Variants in PCDHA11 observed in about 807,000 individuals in gnomAD.
PCDHA11 encodes protocadherin alpha-11.
A neutral mutation model predicts 70.3 loss-of-function variants in PCDHA11; 61 were observed. The ratio of observed to expected loss-of-function variants is 0.87; its 90% CI spans 0.71 to 1.07. PCDHA11 has a LOEUF of 1.07. PCDHA11 is among the 50% of genes least tolerant of loss of function. The probability of loss-of-function intolerance (pLI) is 0.00; values close to 1 mark genes in which losing one functional copy is unlikely to be tolerated. For synonymous variants in PCDHA11, 633 were observed against 555.1 expected (o/e 1.14, Z -1.97); for missense variants, 1,324 against 1,237.5 (o/e 1.07, Z -1.05).
chr5:140,948,547 A>G (rs1054072354), intron 1 of PCDHA11, among the ~76,000 whole-genome samples: 9 of 151,490 alleles, frequency 5.9e-5, no homozygotes, highest in Admixed American at 5.9e-4. Flanking sequence ...ATGCTCTGTC[A>G]ATTTTGTTAA....
At chr5:140,931,970 G>A (rs2087909153) in intron 1 of PCDHA11, among the ~76,000 whole-genome samples, 1 of 151,866 alleles carries the variant, frequency 6.6e-6, no homozygotes, top group Non-Finnish European at 1.5e-5. Flanking sequence ...TGATGCATAT[G>A]TGTTTATATT....
At chr5:140,967,272 T>C in intron 1 of PCDHA11, 2 of 1,613,412 alleles carry the variant, frequency 1.2e-6, no homozygotes, top group Non-Finnish European at 1.7e-6. Flanking sequence ...CGCTTTCACA[T>C]AGAGAGTGCG....
intron 1 of PCDHA11, among the ~76,000 whole-genome samples, chr5:140,880,167 G>A (rs1363011800): frequency 2.0e-5 from 3 of 152,160 alleles, no homozygotes; most frequent in African/African-American, 7.2e-5. Context: ...TATGTTAGAA[G>A]TTAAACATGA....
At chr5:140,949,222 G>T (rs1472220330) in intron 1 of PCDHA11, among the ~76,000 whole-genome samples, 1 of 151,662 alleles carries the variant, frequency 6.6e-6, no homozygotes, top group Non-Finnish European at 1.5e-5. Flanking sequence ...GTTTAGACTT[G>T]TTCTGTGGCC....
chr5:140,973,329 G>A (rs1303671094), intron 1 of PCDHA11, among the ~76,000 whole-genome samples: 6 of 152,112 alleles, frequency 3.9e-5, no homozygotes, highest in Non-Finnish European at 7.3e-5. Flanking sequence ...GTTTACACTC[G>A]TTGTAAAGTG....
chr5:140,987,096 C>T (rs1266691790), intron 3 of PCDHA11, among the ~76,000 whole-genome samples: 3 of 151,912 alleles, frequency 2.0e-5, no homozygotes, highest in African/African-American at 7.3e-5. Context: ...TGCCTGTAAT[C>T]CCAGCTACTC....
chr5:140,991,924 A>T (rs1028386420), intron 3 of PCDHA11, among the ~76,000 whole-genome samples: 1 of 152,140 alleles, frequency 6.6e-6, no homozygotes, highest in Non-Finnish European at 1.5e-5. Context: ...GTAACATAAC[A>T]TATTCACAAG....
rs782621350 is a variant in PCDHA11 at position 140,876,591 on chromosome 5, C to T, written c.2391+5097C>T. ...TGGGTACCGTCATTGCCCTGATTAG[C>T]GTGTCGGATCGTGACTCTGGAGCCA... On this transcript the variant is annotated intron_variant, in intron 1 of 3. Transcript: ENST00000398640. 9.5e-5 allele frequency: 153 copies of T among 1,614,058 alleles called. 1 individual carries two copies. The highest frequency in any genetic ancestry group is 8.2e-4 in the Middle Eastern group (5 of 6,082).
At chr5:140,876,499 G>T in intron 1 of PCDHA11, 1 of 1,614,028 alleles carries the variant, frequency 6.2e-7, no homozygotes, top group South Asian at 1.1e-5. Flanking sequence ...AGTTCTGGAC[G>T]TGAATGACAA....
chr5:140,979,102 C>T (rs1263848262), intron 2 of PCDHA11, 95 bp downstream of exon 2: 1 of 1,541,684 alleles, frequency 6.5e-7, no homozygotes, highest in Non-Finnish European at 8.7e-7. Flanking sequence ...GCTGTCAAAA[C>T]TAAAAAGCTT....
chr5:141,005,701 CAAAAAAAAA>C (rs59860837), intron 3 of PCDHA11, among the ~76,000 whole-genome samples: 2 of 7,784 alleles, frequency 2.6e-4, no homozygotes, highest in African/African-American at 4.7e-4. Context: ...AACTCCGTCT[CAAAAAAAAA>C]AAAAAAAAAA....
At chr5:140,966,395 T>A in intron 1 of PCDHA11, 1 of 404,602 alleles carries the variant, frequency 2.5e-6, no homozygotes, top group Non-Finnish European at 4.3e-6. Flanking sequence ...GTCCGCCACT[T>A]CGGCGCGGAA....
At chr5:140,880,791 A>G (rs950375774) in intron 1 of PCDHA11, among the ~76,000 whole-genome samples, 4 of 152,242 alleles carry the variant, frequency 2.6e-5, no homozygotes, top group Non-Finnish European at 4.4e-5. Context: ...GAGGAGTAAT[A>G]TAAATAGGTG....
At chr5:140,932,039 CAT>C (rs2087970987) in intron 1 of PCDHA11, among the ~76,000 whole-genome samples, 1 of 151,816 alleles carries the variant, frequency 6.6e-6, no homozygotes, top group South Asian at 2.1e-4. Context: ...TATATATTAA[CAT>C]AGCCTGTAAT....
At chr5:140,877,093 G>C in intron 1 of PCDHA11, 1 of 1,613,296 alleles carries the variant, frequency 6.2e-7, no homozygotes, top group Non-Finnish European at 8.5e-7. Context: ...GCGCGACGCC[G>C]GCGTGCCGCC....
intron 1 of PCDHA11, among the ~76,000 whole-genome samples, chr5:140,913,735 G>A (rs1416656981): frequency 6.6e-6 from 1 of 151,834 alleles, no homozygotes; most frequent in Non-Finnish European, 1.5e-5. Context: ...CCCTCTAATA[G>A]TACTCCTTTT....
At chr5:140,881,648 CCTT>C (rs1554172342) in intron 1 of PCDHA11, among the ~76,000 whole-genome samples, 4 of 152,182 alleles carry the variant, frequency 2.6e-5, no homozygotes, top group African/African-American at 9.7e-5. Flanking sequence ...ATATTTTTCA[CCTT>C]CACCGATTTT....
At chr5:140,890,533 T>C (rs2062686259) in intron 1 of PCDHA11, among the ~76,000 whole-genome samples, 1 of 152,234 alleles carries the variant, frequency 6.6e-6, no homozygotes, top group South Asian at 2.1e-4. Context: ...TTGATCTTCT[T>C]TTGAAATGAC....
At chr5:140,884,603 T>A in intron 1 of PCDHA11, 4 of 1,614,132 alleles carry the variant, frequency 2.5e-6, no homozygotes, top group Non-Finnish European at 3.4e-6. Flanking sequence ...CCTTCCTCCT[T>A]GTCTGGGTTC....
Sources: allele counts gnomAD v4.1 joint callset (sites outside exome capture counted in the v4.1 genomes callset), GRCh38; gene constraint gnomAD v4.1.1; transcripts MANE v1.5; gene names NCBI Gene and HGNC (gene_info 2026-07-23, HGNC 2026-07-21).